Variants in CAST observed in about 807,000 individuals in gnomAD.
CAST encodes the protein calpastatin, also known as MIR583 host.
CAST carries 76 observed loss-of-function variants against 119.6 expected under a neutral mutation model. The ratio of observed to expected loss-of-function variants is 0.64; its 90% CI spans 0.53 to 0.77. The LOEUF (loss-of-function observed/expected upper bound fraction) is 0.77. Among genes scored for constraint, CAST ranks in the 30% least tolerant of loss-of-function variants. CAST has a pLI of 0.00. For missense variants in CAST, 953 were observed against 946.5 expected, an observed-to-expected ratio of 1.01 and a Z score of -0.09; for synonymous variants, 319 against 331.6, an observed-to-expected ratio of 0.96 and a Z score of 0.41.
At chr5:96,199,376 T>A in the CAST span, among the ~76,000 whole-genome samples, 1 of 152,182 alleles carries the variant, frequency 6.6e-6, no homozygotes, top group African/African-American at 2.4e-5. Flanking sequence ...ACTTTCTGTC[T>A]TCTAGTAAAA....
chr5:96,237,057 C>G, the CAST span, among the ~76,000 whole-genome samples: 1 of 152,190 alleles, frequency 6.6e-6, no homozygotes, highest in Non-Finnish European at 1.5e-5. Flanking sequence ...CAAAGAGAAG[C>G]AGCTGAAACC....
the CAST span, among the ~76,000 whole-genome samples, chr5:96,283,203 G>A: frequency 6.6e-6 from 1 of 151,878 alleles, no homozygotes; most frequent in East Asian, 1.9e-4. Flanking sequence ...TATCTAGGGG[G>A]TAGGGACTGG....
the CAST span, among the ~76,000 whole-genome samples, chr5:96,454,179 G>T: frequency 6.6e-5 from 10 of 152,038 alleles, no homozygotes; most frequent in Non-Finnish European, 1.2e-4. Context: ...CCAAATTAAT[G>T]AACCCTACTA....
the CAST span, among the ~76,000 whole-genome samples, chr5:96,253,458 G>T: frequency 6.6e-6 from 1 of 152,128 alleles, no homozygotes; most frequent in Non-Finnish European, 1.5e-5. Context: ...AGCAGCCAAG[G>T]TTGAGACTTG....
chr5:96,448,014 T>TA, the CAST span, among the ~76,000 whole-genome samples: 463 of 140,594 alleles, frequency 3.3e-3, no homozygotes, highest in Middle Eastern at 7.4e-3. Context: ...TCTCATATGT[T>TA]AAAAAAAAAA....
the CAST span, among the ~76,000 whole-genome samples, chr5:95,988,245 C>T: frequency 6.6e-6 from 1 of 152,188 alleles, no homozygotes; most frequent in Non-Finnish European, 1.5e-5. Flanking sequence ...ATGATCTTTT[C>T]TCCCTTCCCT....
upstream of CAST, among the ~76,000 whole-genome samples, chr5:96,525,759 A>C (rs1189832845): frequency 6.6e-6 from 1 of 152,208 alleles, no homozygotes; most frequent in Non-Finnish European, 1.5e-5. Context: ...CAACAAAAAA[A>C]CTGTAAATGT....
At chr5:95,998,159 T>C in the CAST span, among the ~76,000 whole-genome samples, 1 of 151,994 alleles carries the variant, frequency 6.6e-6, no homozygotes, top group Non-Finnish European at 1.5e-5. Context: ...ATTTTACATC[T>C]CATAAAATTC....
chr5:96,235,863 C>T, the CAST span, among the ~76,000 whole-genome samples: 2 of 152,122 alleles, frequency 1.3e-5, no homozygotes, highest in East Asian at 1.9e-4. Context: ...CACTCCTCTG[C>T]GAGTAACTTG....
intron 1 of CAST, among the ~76,000 whole-genome samples, chr5:96,551,038 C>T (rs180913496): frequency 1.3e-5 from 2 of 152,146 alleles, no homozygotes; most frequent in African/African-American, 4.8e-5. Flanking sequence ...CAAGGCAGGC[C>T]AACATTCAAA....
At chr5:96,534,800 A>AGAAG (rs1745768755) in intron 1 of CAST, among the ~76,000 whole-genome samples, 3 of 118,888 alleles carry the variant, frequency 2.5e-5, no homozygotes, top group African/African-American at 9.5e-5. Flanking sequence ...AAAGAAAGAA[A>AGAAG]GAAGAAAGAA....
the CAST span, among the ~76,000 whole-genome samples, chr5:95,966,353 C>G: frequency 3.9e-5 from 6 of 152,282 alleles, no homozygotes; most frequent in South Asian, 1.2e-3. Context: ...CTGAAACTGG[C>G]AGCCCTGGGG....
At chr5:96,530,696 G>T (rs1172685449) in intron 1 of CAST, among the ~76,000 whole-genome samples, 1 of 152,142 alleles carries the variant, frequency 6.6e-6, no homozygotes, top group Admixed American at 6.5e-5. Flanking sequence ...AGAAGCCAAA[G>T]GAAGGGAGAG....
chr5:96,628,528 G>T (rs1358180099), intron 1 of CAST, among the ~76,000 whole-genome samples: 2 of 152,148 alleles, frequency 1.3e-5, no homozygotes, highest in Admixed American at 6.5e-5. Context: ...TTAAGAATCT[G>T]GGGGGCTGGG....
chr5:96,742,455 C>G, intron 15 of CAST, 200 bp from the exon 16 acceptor site: 1 of 560,240 alleles, frequency 1.8e-6, no homozygotes, highest in Non-Finnish European at 3.2e-6. Flanking sequence ...AGAAACGTGT[C>G]TTAGCCCCAA....
At chr5:96,727,150 C>G (rs1451434402) in intron 5 of CAST, among the ~76,000 whole-genome samples, 1 of 152,174 alleles carries the variant, frequency 6.6e-6, no homozygotes, top group Non-Finnish European at 1.5e-5. Context: ...ACACAGTGCC[C>G]TTGGCTTTGT....
At chr5:96,654,009 A>T (rs1317225913) in intron 1 of CAST, among the ~76,000 whole-genome samples, 7 of 129,298 alleles carry the variant, frequency 5.4e-5, no homozygotes, top group Admixed American at 8.0e-5. Flanking sequence ...CTTTCTCCTT[A>T]TCGTTTTCTT....
Position 96,729,654 on chromosome 5 carries a change from G to C in CAST, c.478G>C (p.Asp160His). The C allele has an allele frequency of 6.2e-7, 1 of 1,602,930 alleles. No homozygotes were observed. Among genetic ancestry groups the C allele is most frequent in the Non-Finnish European group, 8.5e-7 (1 of 1,169,922 alleles). Residue 160 changes from aspartate to histidine, a missense_variant, in exon 8 of 32, where the codon GAT becomes CAT. Coordinates refer to ENST00000675179, the MANE Select transcript of CAST (RefSeq NM_001750.7). Reference protein sequence around the residue: ...PKQASDTGSNDAHNKKAVSRS... With the variant: ...PKQASDTGSNHAHNKKAVSRS... ...GCAGGCATCAGATACAGGAAGTAACGATGCTCACAATAAAAAAGCAGTTTC... is the reference window on the plus strand; with the variant it reads ...GCAGGCATCAGATACAGGAAGTAACCATGCTCACAATAAAAAAGCAGTTTC...
At chr5:96,472,683 C>T in the CAST span, among the ~76,000 whole-genome samples, 1 of 152,120 alleles carries the variant, frequency 6.6e-6, no homozygotes, top group Admixed American at 6.6e-5. Flanking sequence ...CTGATCTACC[C>T]CATGTAATGG....
Sources: allele counts gnomAD v4.1 joint callset (sites outside exome capture counted in the v4.1 genomes callset), GRCh38; gene constraint gnomAD v4.1.1; transcripts MANE v1.5; gene names NCBI Gene and HGNC (gene_info 2026-07-23, HGNC 2026-07-21).